The following FER variants were observed in gnomAD, a reference collection of about 807,000 sequenced individuals.
FER encodes the protein FER tyrosine kinase, also known as tyrosine-protein kinase Fer.
In FER, 63 loss-of-function variants were observed where a neutral mutation model predicts 111.0. That is an observed-to-expected ratio of 0.57 (90% confidence interval 0.46 to 0.70). The LOEUF is 0.70. FER is among the 30% of genes least tolerant of loss of function. The pLI is 0.00. For synonymous variants in FER, 327 were observed against 313.9 expected, an observed-to-expected ratio of 1.04 and a Z score of -0.44; for missense variants, 914 against 954.0, an observed-to-expected ratio of 0.96 and a Z score of 0.55.
chr5:109,124,208 C>T (rs1475168484), intron 17 of FER, among the ~76,000 whole-genome samples: 1 of 152,182 alleles, frequency 6.6e-6, no homozygotes, highest in Admixed American at 6.5e-5. Context: ...GCCTGGGCAA[C>T]AGAGCAAGAC....
intron 13 of FER, among the ~76,000 whole-genome samples, chr5:109,000,991 C>A (rs1443586125): frequency 6.6e-6 from 1 of 152,138 alleles, no homozygotes; most frequent in Non-Finnish European, 1.5e-5. Context: ...ATAACAGGAG[C>A]TGAAATTGTG....
At chr5:108,955,232 CAA>C (rs1272829835) in intron 12 of FER, among the ~76,000 whole-genome samples, 1 of 151,534 alleles carries the variant, frequency 6.6e-6, no homozygotes, top group Non-Finnish European at 1.5e-5. Flanking sequence ...AAACTAAAAA[CAA>C]TGTGATTATT....
chr5:108,969,610 T>C (rs1208955747), intron 13 of FER, among the ~76,000 whole-genome samples: 7 of 149,160 alleles, frequency 4.7e-5, no homozygotes, highest in Admixed American at 6.6e-5. Flanking sequence ...TACATTTTAA[T>C]TTTTTTGAAC....
At chr5:108,773,640 G>A (rs925326721) in intron 2 of FER, among the ~76,000 whole-genome samples, 4 of 151,982 alleles carry the variant, frequency 2.6e-5, no homozygotes, top group Non-Finnish European at 5.9e-5. Context: ...GTTGTGAATA[G>A]TGTGGCAGTG....
chr5:109,100,862 T>C (rs181744855), intron 17 of FER, among the ~76,000 whole-genome samples: 2,758 of 134,734 alleles, frequency 0.02, 67 homozygotes, highest in African/African-American at 0.07. Flanking sequence ...TGTTGTCTAT[T>C]CTCATTTTCC....
chr5:109,139,350 C>CTTTTTT (rs59092426), intron 17 of FER, among the ~76,000 whole-genome samples: 17 of 91,092 alleles, frequency 1.9e-4, no homozygotes, highest in East Asian at 7.0e-4. Context: ...TTCTTTCTTT[C>CTTTTTT]TTTTTTTTTT....
intron 10 of FER, among the ~76,000 whole-genome samples, chr5:108,937,206 C>T (rs1307288023): frequency 1.3e-5 from 2 of 151,904 alleles, no homozygotes; most frequent in African/African-American, 4.8e-5. Context: ...ATAAATCCCC[C>T]TGCCTTCTTG....
chr5:108,786,420 A>G (rs548449099), intron 2 of FER, among the ~76,000 whole-genome samples: 3 of 152,222 alleles, frequency 2.0e-5, no homozygotes, highest in African/African-American at 7.2e-5. Flanking sequence ...GTAGTATTGG[A>G]CTCACTGAAA....
intron 16 of FER, among the ~76,000 whole-genome samples, chr5:109,068,855 G>C (rs1469170618): frequency 6.6e-6 from 1 of 152,156 alleles, no homozygotes; most frequent in Non-Finnish European, 1.5e-5. Context: ...ATTATGTATA[G>C]ATGGAATTTT....
At chr5:109,025,267 C>G (rs967754729) in intron 13 of FER, among the ~76,000 whole-genome samples, 2 of 151,998 alleles carry the variant, frequency 1.3e-5, no homozygotes, top group African/African-American at 4.8e-5. Context: ...GAATGTTCTT[C>G]CATTTGTTTG....
intron 17 of FER, among the ~76,000 whole-genome samples, chr5:109,114,323 C>T (rs1338395743): frequency 1.9e-4 from 29 of 152,008 alleles, no homozygotes; most frequent in Admixed American, 1.9e-3. Flanking sequence ...AATTGTGAAA[C>T]CCTGCAGATG....
intron 13 of FER, among the ~76,000 whole-genome samples, chr5:108,974,560 C>G (rs1254164877): frequency 6.6e-6 from 1 of 152,172 alleles, no homozygotes; most frequent in Non-Finnish European, 1.5e-5. Flanking sequence ...TGTCTACACC[C>G]TAATTGCTGG....
intron 10 of FER, among the ~76,000 whole-genome samples, chr5:108,941,404 T>C (rs1265291782): frequency 6.6e-6 from 1 of 152,134 alleles, no homozygotes; most frequent in African/African-American, 2.4e-5. Flanking sequence ...CACCAAAAAG[T>C]GAGAAATTTG....
At chr5:108,974,977 C>T (rs1761144686) in intron 13 of FER, among the ~76,000 whole-genome samples, 1 of 152,066 alleles carries the variant, frequency 6.6e-6, no homozygotes. Flanking sequence ...GTGTTTATTG[C>T]AATAGCAAAG....
intron 4 of FER, among the ~76,000 whole-genome samples, chr5:108,835,181 G>GCCC (rs1312154707): frequency 3.6e-4 from 20 of 56,304 alleles, no homozygotes; most frequent in African/African-American, 6.9e-4. Context: ...CTTCGTTTGC[G>GCCC]CCACCCCCCC....
chr5:108,869,699 A>G (rs769908151), intron 6 of FER, among the ~76,000 whole-genome samples: 6 of 152,086 alleles, frequency 3.9e-5, no homozygotes, highest in African/African-American at 7.2e-5. Flanking sequence ...TTTACATACA[A>G]ATATTTCAGA....
intron 17 of FER, among the ~76,000 whole-genome samples, chr5:109,168,212 C>T (rs968057287): frequency 1.3e-5 from 2 of 152,138 alleles, no homozygotes; most frequent in Admixed American, 6.5e-5. Flanking sequence ...TAACAGATCC[C>T]GTTAGAAGAC....
chr5:108,978,871 C>A (rs921158642), intron 13 of FER, among the ~76,000 whole-genome samples: 2 of 152,050 alleles, frequency 1.3e-5, no homozygotes, highest in African/African-American at 4.8e-5. Context: ...CTAGTAGTCA[C>A]CTTCAAGAAA....
chr5:109,146,299 A>C, intron 17 of FER, among the ~76,000 whole-genome samples: 1 of 61,044 alleles, frequency 1.6e-5, no homozygotes, highest in African/African-American at 6.3e-5. Context: ...TATCTTGGGT[A>C]GCACTTTTCT....
Sources: allele counts gnomAD v4.1 joint callset (sites outside exome capture counted in the v4.1 genomes callset), GRCh38; gene constraint gnomAD v4.1.1; transcripts MANE v1.5; gene names NCBI Gene and HGNC (gene_info 2026-07-23, HGNC 2026-07-21).